Variants in AMOTL1 observed in about 807,000 individuals in gnomAD.
The protein encoded by AMOTL1 is angiomotin like 1.
AMOTL1 carries 45 observed loss-of-function variants against 102.9 expected under a neutral mutation model. The ratio of observed to expected loss-of-function variants is 0.44; its 90% CI spans 0.34 to 0.56. The LOEUF (loss-of-function observed/expected upper bound fraction) is 0.56, where lower values mean the gene tolerates loss of function less well. Among genes scored for constraint, AMOTL1 ranks in the 20% least tolerant of loss-of-function variants. AMOTL1 has a pLI of 0.01. For synonymous variants in AMOTL1, 481 were observed against 484.7 expected, an observed-to-expected ratio of 0.99 and a Z score of 0.10; for missense variants, 1,114 against 1,225.6, an observed-to-expected ratio of 0.91 and a Z score of 1.36.
At chr11:94,744,401 C>T (rs145281043) in intron 3 of AMOTL1, among the ~76,000 whole-genome samples, 1 of 152,290 alleles carries the variant, frequency 6.6e-6, no homozygotes, top group African/African-American at 2.4e-5. Flanking sequence ...GTGCACCACC[C>T]TCCTGGCACA....
At chr11:94,714,987 C>T (rs1298616691) in intron 1 of AMOTL1, among the ~76,000 whole-genome samples, 1 of 151,988 alleles carries the variant, frequency 6.6e-6, no homozygotes, top group Non-Finnish European at 1.5e-5. Context: ...TTTCTCTTTT[C>T]TAATGTAAGC....
intron 1 of AMOTL1, among the ~76,000 whole-genome samples, chr11:94,711,439 G>T (rs1018324186): frequency 6.6e-6 from 1 of 152,074 alleles, no homozygotes; most frequent in South Asian, 2.1e-4. Context: ...GACCTTATCA[G>T]ATTTTATCAG....
At chr11:94,790,366 A>G (rs1427479835) in intron 1 of AMOTL1, among the ~76,000 whole-genome samples, 2 of 152,230 alleles carry the variant, frequency 1.3e-5, no homozygotes, top group Non-Finnish European at 2.9e-5. Flanking sequence ...TTTAAGTACC[A>G]CAAGTTTTGT....
intron 1 of AMOTL1, among the ~76,000 whole-genome samples, chr11:94,772,950 C>A (rs1950975952): frequency 6.6e-6 from 1 of 152,200 alleles, no homozygotes; most frequent in East Asian, 1.9e-4. Context: ...ATTTGCATTA[C>A]CCTAATGGCT....
chr11:94,752,689 A>C (rs1950671512), intron 3 of AMOTL1, among the ~76,000 whole-genome samples: 1 of 152,220 alleles, frequency 6.6e-6, no homozygotes, highest in Admixed American at 6.5e-5. Flanking sequence ...TTAAAAGATT[A>C]CTGGGAAGAG....
At chr11:94,779,605 T>C (rs1358336982) in intron 1 of AMOTL1, among the ~76,000 whole-genome samples, 4 of 152,134 alleles carry the variant, frequency 2.6e-5, no homozygotes, top group Admixed American at 6.5e-5. Flanking sequence ...AATTTTTTTT[T>C]CCCCTTTAAG....
At position 94,843,313 on chromosome 11, in the gene AMOTL1, T is replaced by C. The variant is rs61333191; in HGVS notation, c.1649-6801T>C. Among the ~76,000 whole-genome samples the C allele has an allele frequency of 3.4e-3, 522 of 152,340 alleles. 5 individuals carry two copies. The highest frequency in any genetic ancestry group is 0.012 in the African/African-American group (502 of 41,574). On this transcript the variant is annotated intron_variant, in intron 6 of 12. Transcript: ENST00000433060. ...TATGTGTTGTAACCAGTGCTCTTTT[T>C]GGATTCTATTTTTTTTGAGTCTCTT...
intron 1 of AMOTL1, among the ~76,000 whole-genome samples, chr11:94,709,813 A>T (rs989621912): frequency 6.6e-6 from 1 of 152,156 alleles, no homozygotes; most frequent in African/African-American, 2.4e-5. Context: ...ATGTAGCATT[A>T]GATAATGGGA....
At chr11:94,794,399 A>G (rs955609244) in intron 1 of AMOTL1, among the ~76,000 whole-genome samples, 2 of 152,046 alleles carry the variant, frequency 1.3e-5, no homozygotes, top group Admixed American at 1.3e-4. Context: ...CAGGAAGCAC[A>G]CTCCAGTTTG....
chr11:94,736,156 C>T (rs748883037), intron 2 of AMOTL1, among the ~76,000 whole-genome samples: 7 of 152,154 alleles, frequency 4.6e-5, no homozygotes, highest in Admixed American at 6.5e-5. Context: ...TCTGCTGGGG[C>T]CATGGCAGCA....
chr11:94,751,812 GCACA>G (rs573824452), intron 3 of AMOTL1, among the ~76,000 whole-genome samples: 1 of 149,350 alleles, frequency 6.7e-6, no homozygotes, highest in African/African-American at 2.5e-5. Context: ...GTGCACACAC[GCACA>G]CACACACATA....
At chr11:94,772,714 T>C (rs1950972087) in intron 1 of AMOTL1, among the ~76,000 whole-genome samples, 1 of 152,238 alleles carries the variant, frequency 6.6e-6, no homozygotes, top group Non-Finnish European at 1.5e-5. Context: ...TTCATTTCTC[T>C]GGCGTAAATG....
intron 5 of AMOTL1, among the ~76,000 whole-genome samples, chr11:94,830,557 C>T (rs1264530504): frequency 1.3e-5 from 2 of 152,248 alleles, no homozygotes; most frequent in Non-Finnish European, 1.5e-5. Context: ...ACCCTTTCCA[C>T]ATGGGGCTGT....
intron 6 of AMOTL1, among the ~76,000 whole-genome samples, chr11:94,846,252 G>GT (rs1480656947): frequency 1.4e-4 from 22 of 152,294 alleles, no homozygotes; most frequent in South Asian, 4.2e-4. Flanking sequence ...TTGTCACATT[G>GT]CCTTTGCCCA....
intron 6 of AMOTL1, among the ~76,000 whole-genome samples, chr11:94,840,856 C>T (rs1952288829): frequency 6.6e-6 from 1 of 151,710 alleles, no homozygotes; most frequent in African/African-American, 2.4e-5. Context: ...ACATTATTTA[C>T]ATCCAGTAAA....
intron 2 of AMOTL1, among the ~76,000 whole-genome samples, chr11:94,729,852 C>A (rs12277165): frequency 0.01 from 1,571 of 152,226 alleles, 34 homozygotes; most frequent in African/African-American, 0.036. Flanking sequence ...AATACAAGAA[C>A]GAGAGCAAGA....
intron 1 of AMOTL1, among the ~76,000 whole-genome samples, chr11:94,707,248 CTCTG>C (rs1413744241): frequency 1.8e-4 from 12 of 65,920 alleles, no homozygotes; most frequent in African/African-American, 3.9e-4. Flanking sequence ...CTCTCTCTCT[CTCTG>C]TGTGTGTGTG....
intron 1 of AMOTL1, among the ~76,000 whole-genome samples, chr11:94,718,892 GCCTAATCTGTCTA>G (rs1486553756): frequency 6.6e-6 from 1 of 150,636 alleles, no homozygotes. Context: ...ATTTGATGTA[GCCTAATCTGTCTA>G]TAGTTATTTT....
chr11:94,831,114 TG>T (rs1344220207), intron 5 of AMOTL1, among the ~76,000 whole-genome samples: 6 of 152,304 alleles, frequency 3.9e-5, no homozygotes, highest in Admixed American at 2.6e-4. Context: ...AGACTAGGGC[TG>T]GGTTTGAGGC....
Sources: allele counts gnomAD v4.1 joint callset (sites outside exome capture counted in the v4.1 genomes callset), GRCh38; gene constraint gnomAD v4.1.1; transcripts MANE v1.5; gene names NCBI Gene and HGNC (gene_info 2026-07-23, HGNC 2026-07-21).